Variants in CADPS observed in about 807,000 individuals in gnomAD.
CADPS encodes calcium dependent secretion activator.
Under a neutral mutation model 167.3 loss-of-function variants are expected in CADPS, and 57 were observed. The observed-to-expected ratio is 0.34, with a 90% CI of 0.28 to 0.42. CADPS has a LOEUF of 0.42. CADPS is among the 20% of genes least tolerant of loss of function. The pLI is 1.00. For synonymous variants in CADPS, 676 were observed against 635.3 expected, an observed-to-expected ratio of 1.06 and a Z score of -0.96; for missense variants, 1,414 against 1,738.1, an observed-to-expected ratio of 0.81 and a Z score of 3.32.
At chr3:62,666,476 G>A (rs190527555) in intron 3 of CADPS, among the ~76,000 whole-genome samples, 43 of 152,288 alleles carry the variant, frequency 2.8e-4, no homozygotes, top group African/African-American at 9.9e-4. Context: ...TTTCCACTGA[G>A]GAAAGGAAAG....
intron 27 of CADPS, chr3:62,440,860 C>G (rs905950942): frequency 1.3e-5 from 2 of 152,132 alleles, no homozygotes; most frequent in Non-Finnish European, 2.9e-5. Context: ...TTGGGACTAT[C>G]GAGGGCAGGG....
chr3:62,517,291 G>A (rs2069234179), intron 14 of CADPS, among the ~76,000 whole-genome samples: 1 of 152,120 alleles, frequency 6.6e-6, no homozygotes, highest in Non-Finnish European at 1.5e-5. Flanking sequence ...CTGTGCATGG[G>A]ACAGAGAGAC....
Position 62,753,317 on chromosome 3 carries a change from T to C in CADPS, c.888+124A>G. The stretch of plus-strand genomic sequence containing the variant: ...CCAGCCTAAACTGTATTCAACTTTT[T>C]ACCAGTAGAGTAATAAAATATAAGT... On this transcript the variant is annotated intron_variant, in intron 3 of 29. Coordinates refer to ENST00000383710, the MANE Select transcript of CADPS (RefSeq NM_003716.4). The surrounding 1 kb of genome is among the most constrained non-coding windows in gnomAD (Gnocchi z 4.6). 1.4e-6 allele frequency: 1 copy of C among 691,324 alleles called. No homozygotes were observed. The highest frequency in any genetic ancestry group is 2.7e-5 in the East Asian group (1 of 36,792). The allele number at this position is 691,324 out of a possible 1,614,324, so 42.8% of individuals were successfully genotyped here. A position where few individuals can be genotyped will look rare whatever the true frequency, so the allele number is the denominator to read the frequency against.
chr3:62,728,640 ATAACATAAGTGACTGAGT>A (rs886264678), intron 3 of CADPS, among the ~76,000 whole-genome samples: 1 of 151,940 alleles, frequency 6.6e-6, no homozygotes, highest in African/African-American at 2.4e-5. Context: ...CTTAATGATA[ATAACATAAGTGACTGAGT>A]TATCTCATTC....
intron 1 of CADPS, among the ~76,000 whole-genome samples, chr3:62,850,961 T>C (rs1471000015): frequency 1.3e-5 from 2 of 150,906 alleles, no homozygotes; most frequent in Non-Finnish European, 2.9e-5. Context: ...GGTGCTCCTG[T>C]ATTGGGTGCA....
At chr3:62,431,120 G>C (rs926811733) in intron 28 of CADPS, among the ~76,000 whole-genome samples, 2 of 152,174 alleles carry the variant, frequency 1.3e-5, no homozygotes, top group South Asian at 4.1e-4. Context: ...GCTTCAGACT[G>C]ATTTGGAGGG....
chr3:62,476,033 A>G (rs1204324685), intron 23 of CADPS, among the ~76,000 whole-genome samples: 1 of 152,066 alleles, frequency 6.6e-6, no homozygotes, highest in Non-Finnish European at 1.5e-5. Flanking sequence ...AGGTCATTTA[A>G]CTCAACTGAC....
intron 5 of CADPS, among the ~76,000 whole-genome samples, chr3:62,648,312 T>A (rs2069057725): frequency 6.6e-6 from 1 of 152,180 alleles, no homozygotes; most frequent in African/African-American, 2.4e-5. Context: ...CAGGTACACA[T>A]AGGAGTACGG....
rs2059811915 is a variant in CADPS at position 62,465,229 on chromosome 3, G to GT, written c.3636+137dup. The GT allele has an allele frequency of 1.7e-6, 1 of 584,836 alleles. No homozygotes were observed. Among genetic ancestry groups the GT allele is most frequent in the African/African-American group, 1.9e-5 (1 of 53,954 alleles). 36.2% of individuals were successfully genotyped at this position (584,836 alleles called of 1,614,324 possible). On this transcript the variant is annotated intron_variant, in intron 26 of 29. Coordinates refer to ENST00000383710, the MANE Select transcript of CADPS (RefSeq NM_003716.4). The surrounding 1 kb of genome is among the most constrained non-coding windows in gnomAD (Gnocchi z 4.1). Reference sequence around the variant, plus strand: ...TATTAAATGTTTGGCTTTTCACATAGTGTTAATATTATACAATAGTTGACT... The same window carrying GT: ...TATTAAATGTTTGGCTTTTCACATAGTTGTTAATATTATACAATAGTTGACT...
At chr3:62,846,834 A>T (rs936926496) in intron 1 of CADPS, among the ~76,000 whole-genome samples, 2 of 151,870 alleles carry the variant, frequency 1.3e-5, no homozygotes, top group Non-Finnish European at 2.9e-5. Context: ...TCTACTAAAA[A>T]TTTTTGTATT....
At chr3:62,796,691 T>C (rs1376095163) in intron 1 of CADPS, among the ~76,000 whole-genome samples, 2 of 152,168 alleles carry the variant, frequency 1.3e-5, no homozygotes, top group Non-Finnish European at 2.9e-5. Flanking sequence ...TTGGAAACCA[T>C]TTCTGATTCA....
chr3:62,856,011 A>G (rs2079612424), intron 1 of CADPS, among the ~76,000 whole-genome samples: 1 of 152,182 alleles, frequency 6.6e-6, no homozygotes, highest in Non-Finnish European at 1.5e-5. Flanking sequence ...TGTTTTCACA[A>G]TAATATGTCA....
intron 4 of CADPS, among the ~76,000 whole-genome samples, chr3:62,654,725 C>T (rs1399900438): frequency 6.6e-6 from 1 of 152,104 alleles, no homozygotes; most frequent in African/African-American, 2.4e-5. Flanking sequence ...CTTGCCTCCT[C>T]ATACTGGGGC....
intron 16 of CADPS, chr3:62,513,697 C>G (rs775144267): frequency 3.2e-5 from 51 of 1,584,162 alleles, no homozygotes; most frequent in African/African-American, 4.0e-5. Context: ...ATACATTTCT[C>G]TCTTTTTCCC....
rs553498450 is a variant in CADPS at position 62,508,673 on chromosome 3, A to G, written c.2599+4078T>C. Among the ~76,000 whole-genome samples, 6 of 152,336 alleles carry G rather than the reference A, an allele frequency of 3.9e-5. No individual in the cohort carries two copies. The East Asian group carries it at 9.7e-4, about 25-fold the overall frequency. On this transcript the variant is annotated intron_variant, in intron 17 of 29. Coordinates refer to ENST00000383710, the MANE Select transcript of CADPS (RefSeq NM_003716.4). ...GATGGCCCTTTAGATTCAATGAAAT[A>G]TGGTAATAAAACACTTATCTCACAG...
chr3:62,634,640 T>C (rs1197420075), intron 6 of CADPS, among the ~76,000 whole-genome samples: 1 of 152,186 alleles, frequency 6.6e-6, no homozygotes, highest in Non-Finnish European at 1.5e-5. Context: ...GAAATGACTT[T>C]GAAATAACAC....
In CADPS at chr3:62,398,828, T is replaced by A. The variant is rs1000018175; in HGVS notation, c.*578A>T. Reference sequence around the variant, plus strand: ...ATCCTTTTTTTTTTGGCTAATTATATGAGTAAATGAAAGGATGGGTTAACA... The same window carrying A: ...ATCCTTTTTTTTTTGGCTAATTATAAGAGTAAATGAAAGGATGGGTTAACA... On this transcript the variant is annotated 3_prime_UTR_variant, in exon 30 of 30. Coordinates refer to ENST00000383710, the MANE Select transcript of CADPS (RefSeq NM_003716.4). 1.3e-5 allele frequency: 2 copies of A among 152,130 alleles called. No homozygotes were observed. Among genetic ancestry groups the A allele is most frequent in the African/African-American group, 4.8e-5 (2 of 41,430 alleles). 9.4% of individuals were successfully genotyped at this position (152,130 alleles called of 1,614,324 possible).
At chr3:62,868,858 G>A (rs2082154002) in intron 1 of CADPS, among the ~76,000 whole-genome samples, 1 of 152,070 alleles carries the variant, frequency 6.6e-6, no homozygotes, top group Non-Finnish European at 1.5e-5. Flanking sequence ...TATATCTGGA[G>A]AGGACATTAG....
chr3:62,708,567 G>A (rs4688322), intron 3 of CADPS, among the ~76,000 whole-genome samples: 2 of 151,762 alleles, frequency 1.3e-5, no homozygotes, highest in African/African-American at 2.4e-5. Flanking sequence ...TCTCCTACAC[G>A]CCCTGCTTCA....
Sources: allele counts gnomAD v4.1 joint callset (sites outside exome capture counted in the v4.1 genomes callset), GRCh38; gene constraint gnomAD v4.1.1; non-coding constraint Gnocchi (gnomAD v3.1); transcripts MANE v1.5; gene names NCBI Gene and HGNC (gene_info 2026-07-23, HGNC 2026-07-21).